The following RORA variants were observed in gnomAD, a reference collection of about 807,000 sequenced individuals.
RORA encodes RAR related orphan receptor A, also known as nuclear receptor ROR-alpha.
In RORA, 7 loss-of-function variants were observed where a neutral mutation model predicts 69.5. The ratio of observed to expected loss-of-function variants is 0.10; its 90% confidence interval spans 0.06 to 0.19. RORA has a LOEUF of 0.19. Among genes scored for constraint, RORA ranks in the 10% least tolerant of loss-of-function variants. RORA has a pLI of 1.00. For synonymous variants in RORA, 261 were observed against 240.8 expected, an observed-to-expected ratio of 1.08 and a Z score of -0.78; for missense variants, 457 against 663.0, an observed-to-expected ratio of 0.69 and a Z score of 3.41.
intron 1 of RORA, among the ~76,000 whole-genome samples, chr15:61,047,489 C>T (rs1203186305): frequency 6.6e-6 from 1 of 152,198 alleles, no homozygotes; most frequent in Non-Finnish European, 1.5e-5. Flanking sequence ...TTGGTAATTA[C>T]AGCCTCAATG....
intron 1 of RORA, among the ~76,000 whole-genome samples, chr15:60,856,177 A>G (rs1673318): frequency 0.87 from 132,934 of 152,214 alleles, 58,748 homozygotes; most frequent in East Asian, 0.99. Flanking sequence ...ATGAAGTGGA[A>G]AAGGAAAAGT....
At chr15:60,672,272 A>G (rs1057087511) in intron 2 of RORA, among the ~76,000 whole-genome samples, 1 of 152,176 alleles carries the variant, frequency 6.6e-6, no homozygotes, top group African/African-American at 2.4e-5. Context: ...AAGAATGACT[A>G]TGTTGCACTT....
At chr15:61,187,445 G>A (rs1222869631) in intron 1 of RORA, among the ~76,000 whole-genome samples, 1 of 152,168 alleles carries the variant, frequency 6.6e-6, no homozygotes, top group African/African-American at 2.4e-5. Context: ...TTATCAAGGA[G>A]GAAGAGCCTC....
At chr15:61,137,809 T>C (rs1247402832) in intron 1 of RORA, among the ~76,000 whole-genome samples, 1 of 152,210 alleles carries the variant, frequency 6.6e-6, no homozygotes, top group African/African-American at 2.4e-5. Flanking sequence ...AAATAATAGG[T>C]AATAACAGGT....
At chr15:60,826,673 G>A (rs2140385315) in intron 1 of RORA, among the ~76,000 whole-genome samples, 1 of 151,564 alleles carries the variant, frequency 6.6e-6, no homozygotes, top group Non-Finnish European at 1.5e-5. Context: ...TCCCATGGAG[G>A]AGGAGGAGGG....
At chr15:60,705,554 A>G (rs1039565286) in intron 1 of RORA, among the ~76,000 whole-genome samples, 2 of 152,222 alleles carry the variant, frequency 1.3e-5, no homozygotes, top group African/African-American at 4.8e-5. Flanking sequence ...CTATGCAATT[A>G]TGATAAAGGT....
intron 2 of RORA, among the ~76,000 whole-genome samples, chr15:60,612,661 G>GTTTTTTTTTTTTTTTTTTTTTTT (rs71122864): frequency 8.4e-5 from 9 of 107,154 alleles, no homozygotes; most frequent in South Asian, 3.2e-4. Context: ...CTCTCTCTCT[G>GTTTTTTTTTTTTTTTTTTTTTTT]TTTTTTTTTT....
chr15:61,014,079 G>A (rs758500361), intron 1 of RORA, among the ~76,000 whole-genome samples: 37 of 151,988 alleles, frequency 2.4e-4, no homozygotes, highest in Non-Finnish European at 4.3e-4. Context: ...CACCGCACCC[G>A]GCCGGGTTGG....
intron 1 of RORA, among the ~76,000 whole-genome samples, chr15:60,860,684 C>A (rs1445189524): frequency 2.0e-5 from 3 of 152,210 alleles, no homozygotes; most frequent in African/African-American, 7.2e-5. Flanking sequence ...ACACACTAAA[C>A]AAGTAACAGT....
At chr15:60,875,516 G>C (rs750760724) in intron 1 of RORA, among the ~76,000 whole-genome samples, 7 of 152,164 alleles carry the variant, frequency 4.6e-5, no homozygotes, top group Admixed American at 6.5e-5. Context: ...GGTAAATCAT[G>C]TGATCCATGA....
rs73436234 is a variant in RORA at position 61,005,842 on chromosome 15, G to A, written c.166+223211C>T. ...CTCTTGGCCATGAGTAGGAGTGTGC[G>A]TATGTCTGTGTATGTGTGTACATGT... is the stretch of plus-strand genomic sequence containing the variant. On this transcript the variant is annotated intron_variant, in intron 1 of 10. Transcript: ENST00000335670. Among the ~76,000 whole-genome samples, 408 of 152,222 alleles carry A rather than the reference G, an allele frequency of 2.7e-3. 4 individuals are homozygous for A. The highest frequency in any genetic ancestry group is 9.1e-3 in the African/African-American group (380 of 41,536).
chr15:60,927,583 G>A (rs1892253840), intron 1 of RORA, among the ~76,000 whole-genome samples: 1 of 152,100 alleles, frequency 6.6e-6, no homozygotes, highest in Non-Finnish European at 1.5e-5. Flanking sequence ...GTCCAGCCTA[G>A]CCAACATGGT....
chr15:60,867,646 G>C (rs978071491), intron 1 of RORA, among the ~76,000 whole-genome samples: 5 of 152,144 alleles, frequency 3.3e-5, no homozygotes, highest in Non-Finnish European at 2.9e-5. Context: ...TAGAGCCTAA[G>C]TGTATCAATG....
intron 7 of RORA, 128 bp downstream of exon 7, chr15:60,503,407 A>G: frequency 4.8e-6 from 4 of 830,904 alleles, no homozygotes; most frequent in Admixed American, 5.6e-5. Flanking sequence ...CATTTCTGCT[A>G]AGAAAAACCT....
intron 2 of RORA, chr15:60,592,632 C>A (rs947761254): frequency 1.6e-4 from 92 of 586,598 alleles, no homozygotes; most frequent in Non-Finnish European, 1.7e-4. Flanking sequence ...CCTCCCGGGG[C>A]GGGAGGCGGG....
intron 1 of RORA, among the ~76,000 whole-genome samples, chr15:61,021,412 T>A (rs1448368360): frequency 6.6e-6 from 1 of 152,190 alleles, no homozygotes; most frequent in East Asian, 1.9e-4. Flanking sequence ...ATAGCTAACA[T>A]TCAGTAAGTG....
chr15:60,516,191 ATATATTTATATATATATTT>A (rs1567052408), intron 3 of RORA, among the ~76,000 whole-genome samples: 3 of 15,798 alleles, frequency 1.9e-4, no homozygotes, highest in African/African-American at 9.0e-4. Flanking sequence ...ATATTTATAT[ATATATTTATATATATATTT>A]ATATATATAT....
At chr15:61,005,457 G>C (rs1276627091) in intron 1 of RORA, among the ~76,000 whole-genome samples, 1 of 152,180 alleles carries the variant, frequency 6.6e-6, no homozygotes, top group Admixed American at 6.5e-5. Context: ...TCCAGCCTGG[G>C]CAACAGAGCG....
At chr15:61,152,352 C>T (rs1433617348) in intron 1 of RORA, among the ~76,000 whole-genome samples, 2 of 151,962 alleles carry the variant, frequency 1.3e-5, no homozygotes, top group Non-Finnish European at 2.9e-5. Context: ...AAAAAACATG[C>T]CCATTCACTG....
Sources: gnomAD v4.1 joint callset for allele counts (sites outside exome capture counted in the v4.1 genomes callset) on GRCh38, gnomAD v4.1.1 for gene constraint, MANE v1.5 for transcripts, NCBI Gene and HGNC (gene_info 2026-07-23, HGNC 2026-07-21) for gene names.